Variants in FGF2 observed in about 807,000 individuals in gnomAD.
The protein encoded by FGF2 is fibroblast growth factor 2.
Under a neutral mutation model 15.9 loss-of-function variants are expected in FGF2, and 13 were observed. The ratio of observed to expected loss-of-function variants is 0.82; its 90% CI spans 0.53 to 1.30. The LOEUF is 1.30. FGF2 is among the 50% of genes most tolerant of loss of function. The pLI is 0.00. For synonymous variants in FGF2, 90 were observed against 78.4 expected (o/e 1.15, Z -0.78); for missense variants, 163 against 196.9 (o/e 0.83, Z 1.03).
intron 1 of FGF2, among the ~76,000 whole-genome samples, chr4:122,849,216 TGATA>T (rs1206127255): frequency 1.3e-5 from 2 of 152,142 alleles, no homozygotes; most frequent in African/African-American, 2.4e-5. Context: ...TGCCCATCAA[TGATA>T]GACTAGATAA....
intron 1 of FGF2, among the ~76,000 whole-genome samples, chr4:122,853,949 T>A (rs1279183455): frequency 6.6e-6 from 1 of 152,188 alleles, no homozygotes; most frequent in African/African-American, 2.4e-5. Flanking sequence ...AAATAGACAT[T>A]TGTAAAGCAT....
rs891839631 is a variant in FGF2 at position 122,892,844 on chromosome 4, A to G, written c.*448A>G. 2 of 1,601,946 alleles carry G rather than the reference A, an allele frequency of 1.2e-6. No individual in the cohort carries two copies. Among genetic ancestry groups the G allele is most frequent in the Admixed American group, 1.7e-5 (1 of 58,534 alleles). On this transcript the variant is annotated 3_prime_UTR_variant, in exon 3 of 3. Coordinates refer to ENST00000644866, the MANE Select transcript of FGF2 (RefSeq NM_001361665.2). Reference sequence around the variant, plus strand: ...AATGTGAATTTAATCAATTCCTTTCATAGTTTTATAATTCTCTGGCAGTTC... The same window carrying G: ...AATGTGAATTTAATCAATTCCTTTCGTAGTTTTATAATTCTCTGGCAGTTC...
rs1172955137 is a variant in FGF2 at position 122,894,642 on chromosome 4, A to G, written c.*2246A>G. 6.6e-6 allele frequency: 1 copy of G among 152,196 alleles called. No homozygotes were observed. The highest frequency in any genetic ancestry group is 6.5e-5 in the Admixed American group (1 of 15,274). 9.4% of individuals were successfully genotyped at this position (152,196 alleles called of 1,614,324 possible). ...AGTAATTTTTACTCTGATGTGCAAT[A>G]CATTTGTTATTAAATTTATTATTTA... On this transcript the variant is annotated 3_prime_UTR_variant, in exon 3 of 3. Transcript: ENST00000644866.
intron 1 of FGF2, among the ~76,000 whole-genome samples, chr4:122,833,313 T>C (rs1277571530): frequency 6.6e-6 from 1 of 152,140 alleles, no homozygotes; most frequent in African/African-American, 2.4e-5. Context: ...CAAGGTATTT[T>C]GGAGATTTAA....
intron 1 of FGF2, among the ~76,000 whole-genome samples, chr4:122,872,291 T>G (rs1726757044): frequency 6.6e-6 from 1 of 152,074 alleles, no homozygotes; most frequent in African/African-American, 2.4e-5. Flanking sequence ...GAAGACCACC[T>G]TGCTGAAATA....
At chr4:122,835,198 A>G (rs929915123) in intron 1 of FGF2, among the ~76,000 whole-genome samples, 1 of 152,172 alleles carries the variant, frequency 6.6e-6, no homozygotes, top group African/African-American at 2.4e-5. Context: ...TCTATCTCCC[A>G]TGTGGCTTTG....
chr4:122,842,018 A>G (rs1725993686), intron 1 of FGF2, among the ~76,000 whole-genome samples: 1 of 152,254 alleles, frequency 6.6e-6, no homozygotes, highest in African/African-American at 2.4e-5. Context: ...ATTCTGGAGA[A>G]TATTGGCTCT....
intron 2 of FGF2, 107 bp downstream of exon 2, chr4:122,876,531 C>A: frequency 1.3e-6 from 1 of 758,248 alleles, no homozygotes; most frequent in South Asian, 1.5e-5. Context: ...CGTGTATCAT[C>A]GTCATAGTCA....
intron 1 of FGF2, among the ~76,000 whole-genome samples, chr4:122,839,601 C>A (rs1247537633): frequency 6.6e-6 from 1 of 152,200 alleles, no homozygotes; most frequent in Non-Finnish European, 1.5e-5. Flanking sequence ...AATGGTATCA[C>A]CATCTTCCTT....
rs549304122 is a variant in FGF2, at chr4:122,858,166, C to T, written c.179-18155C>T. ...TTCTTATTTATAAACTTTAATTAGC[C>T]AGTTGAATTGTGAAGAGAATGGAAT... On this transcript the variant is annotated intron_variant, in intron 1 of 2. Coordinates refer to ENST00000644866, the MANE Select transcript of FGF2 (RefSeq NM_001361665.2). Among the ~76,000 whole-genome samples the T allele has an allele frequency of 2.6e-4, 40 of 151,978 alleles. 1 individual carries two copies. In the South Asian group the frequency reaches 7.5e-3, roughly 28 times the overall value.
intron 1 of FGF2, among the ~76,000 whole-genome samples, chr4:122,848,691 A>G (rs1408236188): frequency 6.6e-6 from 1 of 152,170 alleles, no homozygotes; most frequent in Admixed American, 6.5e-5. Context: ...TTTTAAAGTC[A>G]TGTTCTGATC....
rs1727425632 is a variant in FGF2, at chr4:122,898,191, G to A, written c.*5795G>A. On this transcript the variant is annotated 3_prime_UTR_variant, in exon 3 of 3. Coordinates refer to ENST00000644866, the MANE Select transcript of FGF2 (RefSeq NM_001361665.2). ...ATGTAAAAATGTAATTGCTTTTCATGAGTAGTATGAATAAAATTGATTAGT... is the reference window on the plus strand; with the variant it reads ...ATGTAAAAATGTAATTGCTTTTCATAAGTAGTATGAATAAAATTGATTAGT... 2 of 152,270 alleles carry A rather than the reference G, an allele frequency of 1.3e-5. No individual in the cohort carries two copies. The highest frequency in any genetic ancestry group is 1.3e-4 in the Admixed American group (2 of 15,282). 9.4% of individuals were successfully genotyped at this position (152,270 alleles called of 1,614,324 possible). A position where few individuals can be genotyped will look rare whatever the true frequency, so the allele number is the denominator to read the frequency against.
chr4:122,826,882 C>T lies in FGF2; in HGVS notation c.-293C>T. ...GGTTGCAACGGGATCCCGGGCGCTG[C>T]AGCTTGGGAGGCGGCTCTCCCCAGG... On this transcript the variant is annotated 5_prime_UTR_variant, in exon 1 of 3. Transcript: ENST00000644866. The T allele has an allele frequency of 6.6e-7, 1 of 1,526,364 alleles. No homozygotes were observed. Among genetic ancestry groups the T allele is most frequent in the Non-Finnish European group, 8.8e-7 (1 of 1,139,892 alleles). The allele number at this position is 1,526,364 out of a possible 1,614,324, so 94.6% of individuals were successfully genotyped here. A position where few individuals can be genotyped will look rare whatever the true frequency, so the allele number is the denominator to read the frequency against.
rs1473854349 is a variant in FGF2 at position 122,861,977 on chromosome 4, G to A, written c.179-14344G>A. ...TCAGGCTGGGTTAGATGTATTCTCTGAGTGCTCTCAAAGTAGCCTGTGTAT... is the reference window on the plus strand; with the variant it reads ...TCAGGCTGGGTTAGATGTATTCTCTAAGTGCTCTCAAAGTAGCCTGTGTAT... On this transcript the variant is annotated intron_variant, in intron 1 of 2. Coordinates refer to ENST00000644866, the MANE Select transcript of FGF2 (RefSeq NM_001361665.2). Among the ~76,000 whole-genome samples, 3 of 152,108 alleles carry A rather than the reference G, an allele frequency of 2.0e-5. No homozygotes were observed. In the East Asian group the frequency reaches 5.8e-4, roughly 29 times the overall value.
intron 2 of FGF2, among the ~76,000 whole-genome samples, chr4:122,877,455 CA>C (rs1390553771): frequency 6.6e-6 from 1 of 152,142 alleles, no homozygotes. Context: ...CACAGCTTAT[CA>C]GGGGTCCTAG....
chr4:122,832,311 C>T (rs1248859544), intron 1 of FGF2, among the ~76,000 whole-genome samples: 6 of 152,170 alleles, frequency 3.9e-5, no homozygotes, highest in Admixed American at 3.9e-4. Context: ...GGCTGGAGTG[C>T]AGTGGCACAA....
Position 122,897,515 on chromosome 4 carries a change from G to A in FGF2, c.*5119G>A, listed in dbSNP as rs771186721. ...ATTTCTGAAATGTTCAGACTCAGTC[G>A]GAACAAATTGGAAAATTTAAATTTT... On this transcript the variant is annotated 3_prime_UTR_variant, in exon 3 of 3. Transcript: ENST00000644866. 1.1e-4 allele frequency: 83 copies of A among 779,972 alleles called. No homozygotes were observed. The highest frequency in any genetic ancestry group is 1.4e-4 in the Non-Finnish European group (64 of 448,906). The allele number at this position is 779,972 out of a possible 1,614,324, so 48.3% of individuals were successfully genotyped here.
rs531791903 is a variant in FGF2, at chr4:122,872,010, A to G, written c.179-4311A>G. Reference sequence around the variant, plus strand: ...CTCTCCATCAAGGGTGCAGAACTGTATGGAGGATCAGATGGACGAATTGAC... The same window carrying G: ...CTCTCCATCAAGGGTGCAGAACTGTGTGGAGGATCAGATGGACGAATTGAC... On this transcript the variant is annotated intron_variant, in intron 1 of 2. Transcript: ENST00000644866. Among the ~76,000 whole-genome samples, 3 of 152,268 alleles carry G rather than the reference A, an allele frequency of 2.0e-5. No homozygotes were observed. In the East Asian group the frequency reaches 5.8e-4, roughly 29 times the overall value.
chr4:122,891,424 C>CTT (rs57602061), intron 2 of FGF2, among the ~76,000 whole-genome samples: 5,680 of 135,180 alleles, frequency 0.042, 375 homozygotes, highest in African/African-American at 0.14. Context: ...GCCAGCTATC[C>CTT]TTTTTTTTTT....
Sources: allele counts gnomAD v4.1 joint callset (sites outside exome capture counted in the v4.1 genomes callset), GRCh38; gene constraint gnomAD v4.1.1; transcripts MANE v1.5; gene names NCBI Gene and HGNC (gene_info 2026-07-23, HGNC 2026-07-21).